The following ST3GAL1 variants were observed in gnomAD, a reference collection of about 807,000 sequenced individuals.
ST3GAL1 encodes the protein ST3 beta-galactoside alpha-2,3-sialyltransferase 1.
In ST3GAL1, 16 loss-of-function variants were observed where a neutral mutation model predicts 34.1. The ratio of observed to expected loss-of-function variants is 0.47; its 90% CI spans 0.32 to 0.71. ST3GAL1 has a LOEUF of 0.71. ST3GAL1 is among the 30% of genes least tolerant of loss of function. The pLI is 0.04. For missense variants in ST3GAL1, 353 were observed against 447.4 expected, an observed-to-expected ratio of 0.79 and a Z score of 1.90; for synonymous variants, 191 against 184.7, an observed-to-expected ratio of 1.03 and a Z score of -0.28.
rs573283693 is a variant in ST3GAL1, at chr8:133,493,438, C to G, written c.-374+5697G>C. On this transcript the variant is annotated intron_variant, in intron 3 of 9. Transcript: ENST00000522652. The stretch of plus-strand genomic sequence containing the variant: ...TGTAATGCTTGGCCAGCTGGCTGAG[C>G]ATCCTGGGGTGGGTGGAGGGTGCAC... Among the ~76,000 whole-genome samples the G allele has an allele frequency of 2.0e-5, 3 of 152,288 alleles. No individual in the cohort carries two copies. In the South Asian group the frequency reaches 6.2e-4, roughly 32 times the overall value.
chr8:133,483,189 A>G (rs919954638), intron 3 of ST3GAL1, among the ~76,000 whole-genome samples: 3 of 152,216 alleles, frequency 2.0e-5, no homozygotes, highest in Admixed American at 6.5e-5. Flanking sequence ...TAAAAATACA[A>G]AAATTAGCCG....
intron 3 of ST3GAL1, chr8:133,489,508 C>G (rs915989145): frequency 6.6e-6 from 1 of 152,540 alleles, no homozygotes; most frequent in Non-Finnish European, 1.5e-5. Flanking sequence ...TCTGCCCAAA[C>G]TCTGCTCCAA....
intron 3 of ST3GAL1, among the ~76,000 whole-genome samples, chr8:133,480,482 C>T (rs1203522009): frequency 2.0e-5 from 3 of 152,158 alleles, no homozygotes; most frequent in Non-Finnish European, 4.4e-5. Context: ...CAGCCCTTCA[C>T]ACAGCCCCTG....
intron 2 of ST3GAL1, among the ~76,000 whole-genome samples, chr8:133,522,604 C>T (rs78782943): frequency 0.037 from 5,583 of 152,156 alleles, 206 homozygotes; most frequent in East Asian, 0.21. Context: ...GGTGCTGAGG[C>T]GCTGGCACAG....
chr8:133,540,401 G>A lies in ST3GAL1; in HGVS notation c.-429+5373C>T, dbSNP rs530114945. Among the ~76,000 whole-genome samples the A allele has an allele frequency of 2.4e-3, 360 of 152,254 alleles. 2 individuals carry two copies. The highest frequency in any genetic ancestry group is 7.9e-3 in the African/African-American group (329 of 41,542). On this transcript the variant is annotated intron_variant, in intron 2 of 9. Coordinates refer to ENST00000522652, the MANE Select transcript of ST3GAL1 (RefSeq NM_173344.3). The stretch of plus-strand genomic sequence containing the variant: ...CAGCTGATAACACATTTTTGTTGTT[G>A]GAGGAAATGCTTTAGCTCCAACGGG...
chr8:133,541,764 T>G (rs1818541302), intron 2 of ST3GAL1, among the ~76,000 whole-genome samples: 1 of 152,098 alleles, frequency 6.6e-6, no homozygotes, highest in Non-Finnish European at 1.5e-5. Context: ...TCTGCACAAG[T>G]TAATTAGCTT....
At chr8:133,499,035 C>T (rs375626913) in intron 3 of ST3GAL1, 100 bp downstream of exon 3, 5 of 152,340 alleles carry the variant, frequency 3.3e-5, no homozygotes, top group African/African-American at 9.6e-5. Flanking sequence ...AAAACAAAGT[C>T]GCAGGTCTCC....
At chr8:133,530,331 A>C (rs1818114846) in intron 2 of ST3GAL1, among the ~76,000 whole-genome samples, 1 of 151,670 alleles carries the variant, frequency 6.6e-6, no homozygotes, top group South Asian at 2.1e-4. Flanking sequence ...GCCCAGGCTA[A>C]AGTGCAATGA....
rs561178205 is a variant in ST3GAL1, at chr8:133,469,159, C to A, written c.307-3069G>T. 4.6e-5 allele frequency among the ~76,000 whole-genome samples: 7 copies of A among 152,296 alleles called. No homozygotes were observed. In the East Asian group the frequency reaches 1.3e-3, roughly 29 times the overall value. On this transcript the variant is annotated intron_variant, in intron 5 of 9. Coordinates refer to ENST00000522652, the MANE Select transcript of ST3GAL1 (RefSeq NM_173344.3). This position sits in a 1 kb window ranked among gnomAD's most constrained non-coding sequence, Gnocchi z 4.3. ...CAGCACCACATCATCCTGCTGGACT[C>A]TGACTGACTTACTTTTCTTTAATGA... is the stretch of plus-strand genomic sequence containing the variant.
At chr8:133,473,870 T>C (rs985884066) in intron 5 of ST3GAL1, among the ~76,000 whole-genome samples, 7 of 152,166 alleles carry the variant, frequency 4.6e-5, no homozygotes, top group Non-Finnish European at 7.4e-5. Flanking sequence ...AAGTCCATAG[T>C]GCTGAGGCTG....
intron 3 of ST3GAL1, among the ~76,000 whole-genome samples, chr8:133,478,021 A>C (rs538462986): frequency 2.6e-5 from 4 of 152,278 alleles, no homozygotes; most frequent in African/African-American, 9.6e-5. Flanking sequence ...CTAGAAGCCC[A>C]ACGTATGGAG....
chr8:133,479,416 T>A (rs1317632599), intron 3 of ST3GAL1, among the ~76,000 whole-genome samples: 2 of 152,128 alleles, frequency 1.3e-5, no homozygotes, highest in Non-Finnish European at 2.9e-5. Context: ...GACTAAGTTT[T>A]CTCTGGGTGA....
In ST3GAL1 at chr8:133,564,633, T is replaced by C. The variant is rs76656388; in HGVS notation, c.-582+7060A>G. Among the ~76,000 whole-genome samples the C allele has an allele frequency of 2.9e-4, 44 of 151,964 alleles. No individual in the cohort carries two copies. In the East Asian group the frequency reaches 8.2e-3, roughly 28 times the overall value. ...TTAACCTACAAATATTCAAACCATA[T>C]TATTTGAATGCTGAATAGGTTAAAA... is the stretch of plus-strand genomic sequence containing the variant. On this transcript the variant is annotated intron_variant, in intron 1 of 9. Transcript: ENST00000522652.
chr8:133,553,072 T>C (rs1280686565), intron 1 of ST3GAL1, among the ~76,000 whole-genome samples: 1 of 151,942 alleles, frequency 6.6e-6, no homozygotes. Context: ...GGATACTGAG[T>C]TCAAATGTAG....
At chr8:133,519,757 C>T (rs1055666460) in intron 2 of ST3GAL1, among the ~76,000 whole-genome samples, 1 of 148,314 alleles carries the variant, frequency 6.7e-6, no homozygotes, top group African/African-American at 2.5e-5. Flanking sequence ...ACCAACCTGG[C>T]CAACATAGTG....
intron 1 of ST3GAL1, among the ~76,000 whole-genome samples, chr8:133,554,603 T>A (rs1449588049): frequency 1.3e-5 from 2 of 152,064 alleles, no homozygotes; most frequent in Non-Finnish European, 2.9e-5. Context: ...GGCCACCACC[T>A]CCTCCTCTTC....
At chr8:133,534,800 G>A (rs544085478) in intron 2 of ST3GAL1, among the ~76,000 whole-genome samples, 5 of 152,322 alleles carry the variant, frequency 3.3e-5, no homozygotes, top group South Asian at 2.1e-4. Context: ...GGCTCTGTGC[G>A]GCTGACACAA....
rs1313115268 is a variant in ST3GAL1 at position 133,461,740 on chromosome 8, G to A, written c.849+135C>T. On this transcript the variant is annotated intron_variant, in intron 9 of 9. Coordinates refer to ENST00000522652, the MANE Select transcript of ST3GAL1 (RefSeq NM_173344.3). This position sits in a 1 kb window ranked among gnomAD's most constrained non-coding sequence, Gnocchi z 4.7. ...CTGGGAGACACATGTTGCAAGTCCT[G>A]TCGTAGAGACAGGGAATCCGAGCTT... 1.2e-5 allele frequency: 15 copies of A among 1,294,696 alleles called. No homozygotes were observed. Among genetic ancestry groups the A allele is most frequent in the Non-Finnish European group, 1.6e-5 (15 of 927,736 alleles). The allele number at this position is 1,294,696 out of a possible 1,614,324, so 80.2% of individuals were successfully genotyped here. A position where few individuals can be genotyped will look rare whatever the true frequency, so the allele number is the denominator to read the frequency against.
chr8:133,537,409 A>G (rs373390611), intron 2 of ST3GAL1, among the ~76,000 whole-genome samples: 1 of 152,174 alleles, frequency 6.6e-6, no homozygotes. Flanking sequence ...AGTCAGGGAA[A>G]GATTAGAGTC....
Sources: gnomAD v4.1 joint callset for allele counts (sites outside exome capture counted in the v4.1 genomes callset) on GRCh38, gnomAD v4.1.1 for gene constraint, Gnocchi (gnomAD v3.1) non-coding constraint, MANE v1.5 for transcripts, NCBI Gene and HGNC (gene_info 2026-07-23, HGNC 2026-07-21) for gene names.